The following CDC42BPA variants were observed in gnomAD, a reference collection of about 807,000 sequenced individuals.
The protein encoded by CDC42BPA is CDC42 binding protein kinase alpha, also known as serine/threonine-protein kinase MRCK alpha.
Under a neutral mutation model 223.5 loss-of-function variants are expected in CDC42BPA, and 80 were observed. The ratio of observed to expected loss-of-function variants is 0.36; its 90% CI spans 0.30 to 0.43. The LOEUF is 0.43. CDC42BPA is among the 20% of genes least tolerant of loss of function. The probability of loss-of-function intolerance (pLI) is 1.00; values close to 1 mark genes in which losing one functional copy is unlikely to be tolerated. For missense variants in CDC42BPA, 1,743 were observed against 2,099.9 expected (o/e 0.83, Z 3.32); for synonymous variants, 694 against 718.6 (o/e 0.97, Z 0.55).
intron 6 of CDC42BPA, among the ~76,000 whole-genome samples, chr1:227,158,382 AT>A (rs796355462): frequency 5.6e-4 from 83 of 148,746 alleles, no homozygotes; most frequent in Middle Eastern, 3.4e-3. Context: ...TGGTTCAGTG[AT>A]TTTTTTTTTT....
intron 1 of CDC42BPA, among the ~76,000 whole-genome samples, chr1:227,311,940 G>A (rs964256683): frequency 1.3e-5 from 2 of 151,712 alleles, no homozygotes; most frequent in African/African-American, 2.4e-5. Flanking sequence ...CTAATCTATC[G>A]TGTGTCCTTT....
At chr1:227,268,997 T>C (rs1685544612) in intron 1 of CDC42BPA, among the ~76,000 whole-genome samples, 1 of 152,188 alleles carries the variant, frequency 6.6e-6, no homozygotes, top group Non-Finnish European at 1.5e-5. Context: ...TATTCATATT[T>C]TTATTTAAAA....
chr1:227,150,355 A>T (rs542442169), intron 6 of CDC42BPA, among the ~76,000 whole-genome samples: 10 of 152,314 alleles, frequency 6.6e-5, no homozygotes, highest in Non-Finnish European at 1.0e-4. Flanking sequence ...AAGAATAGAG[A>T]TTATCTACTA....
intron 1 of CDC42BPA, among the ~76,000 whole-genome samples, chr1:227,280,763 A>G (rs1397336914): frequency 1.3e-5 from 2 of 152,222 alleles, no homozygotes; most frequent in Non-Finnish European, 2.9e-5. Context: ...AAAAACTTAC[A>G]AATGGACTGC....
At chr1:227,273,358 G>C (rs7418757) in intron 1 of CDC42BPA, among the ~76,000 whole-genome samples, 1 of 151,572 alleles carries the variant, frequency 6.6e-6, no homozygotes, top group South Asian at 2.1e-4. Flanking sequence ...CTGAGGATTG[G>C]GAATTCGAGA....
rs114610555 is a variant in CDC42BPA, at chr1:227,154,573, A to C, written c.693+5970T>G. 4.1e-3 allele frequency among the ~76,000 whole-genome samples: 626 copies of C among 152,180 alleles called. 6 individuals carry two copies. Among genetic ancestry groups the C allele is most frequent in the African/African-American group, 0.015 (607 of 41,574 alleles). ...ATCAATTCTAATCCTAAAGAAGAGC[A>C]ACACACTATTAAACTGCAAATTTAA... On this transcript the variant is annotated intron_variant, in intron 6 of 36. Transcript: ENST00000366766.
At chr1:227,256,948 G>GAAGACACACACACAC in intron 1 of CDC42BPA, among the ~76,000 whole-genome samples, 1 of 141,006 alleles carries the variant, frequency 7.1e-6, no homozygotes, top group East Asian at 2.1e-4. Flanking sequence ...TATATATACA[G>GAAGACACACACACAC]ACACACACAC....
chr1:227,135,026 G>C (rs1212938605), intron 10 of CDC42BPA, among the ~76,000 whole-genome samples: 1 of 152,160 alleles, frequency 6.6e-6, no homozygotes. Context: ...TTGGGAAAGT[G>C]AGCCAGGGAA....
intron 5 of CDC42BPA, among the ~76,000 whole-genome samples, chr1:227,181,489 T>A (rs529007767): frequency 6.6e-6 from 1 of 152,344 alleles, no homozygotes; most frequent in East Asian, 1.9e-4. Context: ...CTTCCTATGA[T>A]AAACATGGCT....
intron 2 of CDC42BPA, among the ~76,000 whole-genome samples, chr1:227,220,282 T>TTATATATATATA (rs368690606): frequency 2.0e-3 from 204 of 100,594 alleles, no homozygotes; most frequent in East Asian, 4.9e-3. Context: ...AAAAGTCATG[T>TTATATATATATA]TATATATATA....
intron 6 of CDC42BPA, among the ~76,000 whole-genome samples, chr1:227,149,851 C>T (rs1486131960): frequency 6.6e-6 from 1 of 152,066 alleles, no homozygotes; most frequent in African/African-American, 2.4e-5. Context: ...TAGTGGAAAG[C>T]AATATCCAAA....
chr1:227,246,507 C>A (rs1202642637), intron 2 of CDC42BPA, among the ~76,000 whole-genome samples: 1 of 152,102 alleles, frequency 6.6e-6, no homozygotes, highest in East Asian at 1.9e-4. Context: ...CCCCAGAGTT[C>A]CAGGTGGCTC....
At chr1:227,102,069 A>G (rs1207190960) in intron 14 of CDC42BPA, among the ~76,000 whole-genome samples, 2 of 152,166 alleles carry the variant, frequency 1.3e-5, no homozygotes, top group Non-Finnish European at 2.9e-5. Flanking sequence ...AACTAAAAGA[A>G]TCTATGCACT....
Position 227,148,467 on chromosome 1 carries a change from T to C in CDC42BPA, c.694-908A>G, listed in dbSNP as rs141556506. Among the ~76,000 whole-genome samples the C allele has an allele frequency of 1.9e-3, 292 of 152,306 alleles. 2 individuals are homozygous for C. The highest frequency in any genetic ancestry group is 6.6e-3 in the African/African-American group (275 of 41,576). On this transcript the variant is annotated intron_variant, in intron 6 of 36. Coordinates refer to ENST00000366766, the MANE Select transcript of CDC42BPA (RefSeq NM_001394014.1). ...AATATTTTGGATTTTCTAGACTACA[T>C]TTCCAATTCTGAATAATTAGGATAA... is the stretch of plus-strand genomic sequence containing the variant.
At chr1:227,108,853 A>C (rs768199286) in intron 14 of CDC42BPA, among the ~76,000 whole-genome samples, 30 of 152,192 alleles carry the variant, frequency 2.0e-4, no homozygotes, top group Non-Finnish European at 3.8e-4. Flanking sequence ...CCACAAACCT[A>C]GATGGTACAG....
At chr1:227,050,630 T>C (rs1673357456) in intron 22 of CDC42BPA, among the ~76,000 whole-genome samples, 1 of 152,086 alleles carries the variant, frequency 6.6e-6, no homozygotes, top group Non-Finnish European at 1.5e-5. Context: ...TGAACACATA[T>C]CTGTAGGAAT....
At chr1:227,077,084 T>C (rs915083351) in intron 17 of CDC42BPA, among the ~76,000 whole-genome samples, 5 of 152,214 alleles carry the variant, frequency 3.3e-5, no homozygotes, top group African/African-American at 1.2e-4. Flanking sequence ...TACTATTGCA[T>C]TGGGCATATT....
intron 2 of CDC42BPA, among the ~76,000 whole-genome samples, chr1:227,224,246 T>A (rs1676452768): frequency 6.6e-6 from 1 of 151,976 alleles, no homozygotes; most frequent in East Asian, 1.9e-4. Context: ...TTTTTTTTTT[T>A]TTTTGAGATG....
At chr1:227,238,037 T>TC (rs1402729351) in intron 2 of CDC42BPA, among the ~76,000 whole-genome samples, 18 of 26,302 alleles carry the variant, frequency 6.8e-4, no homozygotes, top group African/African-American at 2.6e-3. Context: ...AAACTCTGTC[T>TC]CAAAAAAAAA....
Sources: gnomAD v4.1 joint callset for allele counts (sites outside exome capture counted in the v4.1 genomes callset) on GRCh38, gnomAD v4.1.1 for gene constraint, MANE v1.5 for transcripts, NCBI Gene and HGNC (gene_info 2026-07-23, HGNC 2026-07-21) for gene names.